LTBP2: variants seen among roughly 807,000 people sequenced by gnomAD.
LTBP2 encodes latent transforming growth factor beta binding protein 2.
Under a neutral mutation model 210.6 loss-of-function variants are expected in LTBP2, and 103 were observed. The ratio of observed to expected loss-of-function variants is 0.49; its 90% CI spans 0.42 to 0.58. The LOEUF (loss-of-function observed/expected upper bound fraction) is 0.58. Ranked by LOEUF, LTBP2 falls within the 20% of genes least tolerant of loss-of-function variation. The pLI is 0.00. For synonymous variants in LTBP2, 1,007 were observed against 1,015.0 expected (o/e 0.99, Z 0.15); for missense variants, 2,313 against 2,494.5 (o/e 0.93, Z 1.55).
At chr14:74,535,676 G>A (rs561925464) in intron 9 of LTBP2, among the ~76,000 whole-genome samples, 1 of 152,334 alleles carries the variant, frequency 6.6e-6, no homozygotes, top group East Asian at 1.9e-4. Flanking sequence ...CCTAGCCTGT[G>A]TTCCAGGTGG....
chr14:74,520,709 G>A (rs1325582549), intron 17 of LTBP2, among the ~76,000 whole-genome samples: 2 of 152,168 alleles, frequency 1.3e-5, no homozygotes, highest in African/African-American at 4.8e-5. Context: ...GCTGAGGCAG[G>A]AGAATGGCGT....
At chr14:74,552,036 T>C in intron 6 of LTBP2, 151 bp downstream of exon 6, 1 of 753,650 alleles carries the variant, frequency 1.3e-6, no homozygotes, top group Non-Finnish European at 2.2e-6. Flanking sequence ...GGAATGAAAC[T>C]TAGCGCTGAG....
At chr14:74,541,763 GAA>G (rs200764735) in intron 8 of LTBP2, among the ~76,000 whole-genome samples, 1 of 139,882 alleles carries the variant, frequency 7.1e-6, no homozygotes. Context: ...GAGGGAATAA[GAA>G]AAAAAAAAAA....
Position 74,516,846 on chromosome 14 carries a change from T to C in LTBP2, c.2884A>G (p.Met962Val), listed in dbSNP as rs2139704312. 6.4e-7 allele frequency: 1 copy of C among 1,551,864 alleles called. No homozygotes were observed. The highest frequency in any genetic ancestry group is 8.7e-7 in the Non-Finnish European group (1 of 1,147,056). ...YHCECDQGYI[M>V]VRKGHCQDIN... is the part of the protein sequence containing the mutation. ...CCTTGGCAGTGTCCTTTCCTGACCA[T>C]GATGTAGCCCTGATCACACTCGCAG... The change falls in exon 18 of 36, where the codon ATG (methionine) becomes GTG (valine). Residue 962 changes from methionine (M) to valine (V), a missense_variant. Met to Val is a conservative substitution (Grantham distance 21, BLOSUM62 1). Transcript: ENST00000261978.
Position 74,603,718 on chromosome 14 carries a change from C to A in LTBP2, c.495-13G>T. ...GCAGACGTTCCTCCTGTGGGGTCAC[C>A]AAAACAGAGTCAACACAAGGATGCT... On this transcript the variant is annotated splice_polypyrimidine_tract_variant and intron_variant, in intron 1 of 35. Coordinates refer to ENST00000261978, the MANE Select transcript of LTBP2 (RefSeq NM_000428.3). 1 of 1,612,768 alleles carries A rather than the reference C, an allele frequency of 6.2e-7. No individual in the cohort carries two copies. The highest frequency in any genetic ancestry group is 8.5e-7 in the Non-Finnish European group (1 of 1,178,790).
At chr14:74,529,818 A>G (rs562044205) in intron 10 of LTBP2, among the ~76,000 whole-genome samples, 24 of 152,358 alleles carry the variant, frequency 1.6e-4, no homozygotes, top group Non-Finnish European at 2.5e-4. Flanking sequence ...TCTGTATGTT[A>G]TCTCAATGGA....
chr14:74,598,801 A>G (rs886257687), intron 2 of LTBP2, among the ~76,000 whole-genome samples: 1 of 152,188 alleles, frequency 6.6e-6, no homozygotes, highest in East Asian at 1.9e-4. Context: ...CTGATCTAGC[A>G]TTAAAATACC....
chr14:74,603,799 C>T (rs962197110), intron 1 of LTBP2, 94 bp from the exon 2 acceptor site: 4 of 1,013,134 alleles, frequency 3.9e-6, no homozygotes, highest in Non-Finnish European at 6.2e-6. Context: ...AGAGGCAGGG[C>T]CTGGAGGAAC....
In LTBP2 at chr14:74,610,061, C is replaced by T. The variant is rs1595307538; in HGVS notation, c.494+1390G>A. Among the ~76,000 whole-genome samples the T allele has an allele frequency of 2.0e-5, 3 of 152,226 alleles. No individual in the cohort carries two copies. In the East Asian group the frequency reaches 5.8e-4, roughly 29 times the overall value. On this transcript the variant is annotated intron_variant, in intron 1 of 35. Coordinates refer to ENST00000261978, the MANE Select transcript of LTBP2 (RefSeq NM_000428.3). ...CCATGGGCAGCAGGGAGTTCATCCA[C>T]TCATTCAACAGATACCTAGAGAATA... is the stretch of plus-strand genomic sequence containing the variant.
intron 8 of LTBP2, among the ~76,000 whole-genome samples, chr14:74,545,041 C>T (rs1156458757): frequency 2.0e-5 from 3 of 152,156 alleles, no homozygotes; most frequent in Admixed American, 6.5e-5. Context: ...ATCTTCTTGA[C>T]GGATATAGCA....
chr14:74,561,922 C>T (rs116068314), intron 3 of LTBP2, among the ~76,000 whole-genome samples: 7,566 of 152,086 alleles, frequency 0.05, 655 homozygotes, highest in African/African-American at 0.17. Context: ...AGAAAAACAA[C>T]ATAAGGGCCA....
chr14:74,576,027 C>T (rs1241285385), intron 3 of LTBP2, among the ~76,000 whole-genome samples: 1 of 152,154 alleles, frequency 6.6e-6, no homozygotes, highest in Non-Finnish European at 1.5e-5. Context: ...GCCACAACCC[C>T]CTGTCCAGAC....
rs531194704 is a variant in LTBP2, at chr14:74,510,176, A to G, written c.3066T>C (p.His1022=). ...NECLTPGVCA[H]GKCTNLEGSF... is the part of the protein sequence containing the mutation. Reference sequence around the variant, plus strand: ...AGCCTTCTAGGTTGGTGCACTTTCCATGGGCACAGACCCCGGGAGTCAGAC... The same window carrying G: ...AGCCTTCTAGGTTGGTGCACTTTCCGTGGGCACAGACCCCGGGAGTCAGAC... Residue 1022 remains histidine, a synonymous_variant, in exon 20 of 36, where the codon CAT becomes CAC. Coordinates refer to ENST00000261978, the MANE Select transcript of LTBP2 (RefSeq NM_000428.3). 6 of 1,614,034 alleles carry G rather than the reference A, an allele frequency of 3.7e-6. No individual in the cohort carries two copies. The South Asian group carries it at 4.4e-5, about 12-fold the overall frequency.
intron 4 of LTBP2, 38 bp downstream of exon 4, chr14:74,555,465 G>A: frequency 6.2e-7 from 1 of 1,600,120 alleles, no homozygotes; most frequent in South Asian, 1.1e-5. Flanking sequence ...AGTTCTAGAG[G>A]CCCTGCTCTT....
At chr14:74,535,558 C>T (rs1418697151) in intron 9 of LTBP2, among the ~76,000 whole-genome samples, 2 of 152,210 alleles carry the variant, frequency 1.3e-5, no homozygotes, top group Admixed American at 6.5e-5. Flanking sequence ...TGATTTCCCA[C>T]CCTAGAGCTG....
chr14:74,544,173 A>G (rs1406585688), intron 8 of LTBP2, among the ~76,000 whole-genome samples: 1 of 152,156 alleles, frequency 6.6e-6, no homozygotes, highest in Non-Finnish European at 1.5e-5. Flanking sequence ...TGAAAATCCC[A>G]TTTCTTTAGA....
chr14:74,525,729 G>A (rs992022845), intron 14 of LTBP2, among the ~76,000 whole-genome samples: 2 of 152,198 alleles, frequency 1.3e-5, no homozygotes, highest in Non-Finnish European at 2.9e-5. Flanking sequence ...GTGGTTTCAG[G>A]ACAAGACCTC....
chr14:74,536,258 T>C (rs1394065270), intron 8 of LTBP2, among the ~76,000 whole-genome samples: 1 of 152,190 alleles, frequency 6.6e-6, no homozygotes, highest in Non-Finnish European at 1.5e-5. Context: ...CTCACTTACA[T>C]ATGGGACCTA....
intron 22 of LTBP2, 50 bp downstream of exon 22, chr14:74,509,188 T>A: frequency 1.9e-6 from 3 of 1,612,802 alleles, no homozygotes; most frequent in Non-Finnish European, 2.5e-6. Flanking sequence ...ACCATGGCCC[T>A]GACAGAGGGG....
Sources: gnomAD v4.1 joint callset for allele counts (sites outside exome capture counted in the v4.1 genomes callset) on GRCh38, gnomAD v4.1.1 for gene constraint, MANE v1.5 for transcripts, NCBI Gene and HGNC (gene_info 2026-07-23, HGNC 2026-07-21) for gene names.